TMEM219: variants seen among roughly 807,000 people sequenced by gnomAD.
TMEM219 encodes transmembrane protein 219, also known as insulin-like growth factor-binding protein 3 receptor.
In TMEM219, 18 loss-of-function variants were observed where a neutral mutation model predicts 17.9. The observed-to-expected ratio is 1.01, with a 90% CI of 0.70 to 1.49. The LOEUF (loss-of-function observed/expected upper bound fraction) is 1.49. TMEM219 is among the 40% of genes most tolerant of loss of function. The pLI, the probability that TMEM219 is intolerant of heterozygous loss-of-function variation, is 0.00. For missense variants in TMEM219, 288 were observed against 292.4 expected (o/e 0.99, Z 0.11); for synonymous variants, 113 against 124.0 (o/e 0.91, Z 0.59).
At chr16:29,972,697 C>T (rs558108964) in intron 5 of TMEM219, among the ~76,000 whole-genome samples, 3 of 152,318 alleles carry the variant, frequency 2.0e-5, no homozygotes, top group African/African-American at 7.2e-5. Flanking sequence ...TTGCTGATGG[C>T]TGGGCCTAAA....
intron 4 of TMEM219, among the ~76,000 whole-genome samples, chr16:29,970,824 G>A (rs2069275712): frequency 6.6e-6 from 1 of 151,878 alleles, no homozygotes; most frequent in Non-Finnish European, 1.5e-5. Flanking sequence ...CACACCTGTG[G>A]TCCCAGCTAC....
chr16:29,968,252 T>A lies in TMEM219; in HGVS notation c.583T>A (p.Ser195Thr), dbSNP rs781591004. ...CCTTGTGCTGACCAAGCTGCTCACCTCGGTAAGAGCCTCAGATGGGTCGCC... is the reference window on the plus strand; with the variant it reads ...CCTTGTGCTGACCAAGCTGCTCACCACGGTAAGAGCCTCAGATGGGTCGCC... ...EGLVLTKLLT[S>T]EELALCGSRL... The change falls in exon 4 of 6, where the codon TCG becomes ACG. Residue 195 changes from serine (S) to threonine (T), a missense_variant and splice_region_variant. By Grantham distance (58) the Ser-to-Thr change is moderately conservative. Coordinates refer to ENST00000279396, the MANE Select transcript of TMEM219 (RefSeq NM_001083613.2). The A allele has an allele frequency of 8.7e-6, 14 of 1,611,032 alleles. No homozygotes were observed. The African/African-American group carries it at 1.6e-4, about 18-fold the overall frequency.
intron 3 of TMEM219, among the ~76,000 whole-genome samples, chr16:29,965,697 C>T (rs1288419174): frequency 6.6e-6 from 1 of 152,154 alleles, no homozygotes; most frequent in African/African-American, 2.4e-5. Flanking sequence ...GCCTCAGCCT[C>T]CTGAGTAGCT....
intron 3 of TMEM219, among the ~76,000 whole-genome samples, chr16:29,966,407 C>T (rs1451881340): frequency 6.6e-6 from 1 of 151,996 alleles, no homozygotes; most frequent in African/African-American, 2.4e-5. Context: ...TTTAACTTAT[C>T]TTTCATTGCA....
At chr16:29,969,164 A>C (rs2069249883) in intron 4 of TMEM219, among the ~76,000 whole-genome samples, 1 of 151,664 alleles carries the variant, frequency 6.6e-6, no homozygotes, top group African/African-American at 2.4e-5. Context: ...CAGCCTGGAG[A>C]ACATAGCAAG....
At chr16:29,970,323 C>CTT (rs869239268) in intron 4 of TMEM219, among the ~76,000 whole-genome samples, 17 of 138,120 alleles carry the variant, frequency 1.2e-4, no homozygotes, top group African/African-American at 2.1e-4. Flanking sequence ...ACTGCTTGCA[C>CTT]TTTTTTTTTT....
intron 5 of TMEM219, among the ~76,000 whole-genome samples, chr16:29,972,485 T>C (rs1232724967): frequency 6.6e-6 from 1 of 152,188 alleles, no homozygotes; most frequent in African/African-American, 2.4e-5. Context: ...GGAAAAAATA[T>C]TTCTGCAAAA....
intron 4 of TMEM219, 126 bp from the exon 5 acceptor site, chr16:29,971,282 A>C (rs2069283456): frequency 2.1e-6 from 2 of 972,612 alleles, no homozygotes; most frequent in South Asian, 3.5e-5. Flanking sequence ...AGCTTATATG[A>C]AAATAACATT....
intron 3 of TMEM219, among the ~76,000 whole-genome samples, chr16:29,966,754 T>G (rs1489912438): frequency 6.6e-6 from 1 of 152,130 alleles, no homozygotes; most frequent in African/African-American, 2.4e-5. Context: ...AGGTGGAGGT[T>G]GCAGTGAGCT....
At chr16:29,970,353 C>T (rs2069267605) in intron 4 of TMEM219, among the ~76,000 whole-genome samples, 1 of 137,802 alleles carries the variant, frequency 7.3e-6, no homozygotes, top group African/African-American at 2.7e-5. Context: ...GAGATGGAGT[C>T]TTGCTCTATC....
chr16:29,962,988 C>T, intron 1 of TMEM219, 119 bp from the exon 2 acceptor site: 2 of 825,328 alleles, frequency 2.4e-6, no homozygotes, highest in Non-Finnish European at 3.9e-6. Flanking sequence ...ACCTTGGATT[C>T]TTGTTCTGGC....
At chr16:29,969,149 C>G (rs1193217267) in intron 4 of TMEM219, among the ~76,000 whole-genome samples, 1 of 151,356 alleles carries the variant, frequency 6.6e-6, no homozygotes, top group Non-Finnish European at 1.5e-5. Context: ...CCAGGAGTTC[C>G]AGACCAGCCT....
intron 3 of TMEM219, among the ~76,000 whole-genome samples, chr16:29,967,738 T>C (rs916253628): frequency 1.3e-5 from 2 of 151,924 alleles, no homozygotes; most frequent in Admixed American, 6.6e-5. Context: ...CCATCCTGGC[T>C]ACCACAGTGA....
At chr16:29,965,677 A>G (rs989337987) in intron 3 of TMEM219, among the ~76,000 whole-genome samples, 4 of 152,056 alleles carry the variant, frequency 2.6e-5, no homozygotes, top group East Asian at 1.9e-4. Flanking sequence ...CTTGCAGTAA[A>G]CATTCTCCTG....
At chr16:29,965,564 C>CAA (rs35045736) in intron 3 of TMEM219, among the ~76,000 whole-genome samples, 17 of 82,838 alleles carry the variant, frequency 2.1e-4, no homozygotes, top group African/African-American at 5.8e-4. Context: ...ACTAAAAATA[C>CAA]AAAAAAAAAA....
Position 29,971,597 on chromosome 16 carries a change from G to T in TMEM219, c.*33+19G>T. ...TTCTCAGGTGAGGTTCTTTGCTCCAGTCCTGCGGGAGCAGGGAATGGGGTG... is the reference window on the plus strand; with the variant it reads ...TTCTCAGGTGAGGTTCTTTGCTCCATTCCTGCGGGAGCAGGGAATGGGGTG... On this transcript the variant is annotated intron_variant, in intron 5 of 5. Coordinates refer to ENST00000279396, the MANE Select transcript of TMEM219 (RefSeq NM_001083613.2). 1 of 1,583,892 alleles carries T rather than the reference G, an allele frequency of 6.3e-7. No homozygotes were observed. The highest frequency in any genetic ancestry group is 8.6e-7 in the Non-Finnish European group (1 of 1,164,950).
In TMEM219 at chr16:29,963,515, T is replaced by A; in HGVS notation, c.281T>A (p.Phe94Tyr). The stretch of plus-strand genomic sequence containing the variant: ...GTGGGCTTGCTGACCACCTTGAACT[T>A]CGGAGACGGTCCAGACAGGAACAAG... ...HVVGLLTTLN[F>Y]GDGPDRNKTR... The change falls in exon 3 of 6, where the codon TTC (phenylalanine) becomes TAC (tyrosine). Residue 94 changes from phenylalanine to tyrosine, a missense_variant. By Grantham distance (22) the Phe-to-Tyr change is conservative (BLOSUM62 3). Transcript: ENST00000279396. The A allele has an allele frequency of 1.2e-6, 2 of 1,614,084 alleles. No homozygotes were observed. Among genetic ancestry groups the A allele is most frequent in the Non-Finnish European group, 1.7e-6 (2 of 1,180,006 alleles).
intron 3 of TMEM219, among the ~76,000 whole-genome samples, chr16:29,964,181 G>A (rs1440476856): frequency 1.3e-5 from 2 of 152,004 alleles, no homozygotes; most frequent in African/African-American, 2.4e-5. Flanking sequence ...AAATTAGCCG[G>A]GCATGGTTGC....
Position 29,971,503 on chromosome 16 carries a change from C to A in TMEM219, c.681C>A (p.Phe227Leu). 6.2e-7 allele frequency: 1 copy of A among 1,614,052 alleles called. No homozygotes were observed. The highest frequency in any genetic ancestry group is 8.5e-7 in the Non-Finnish European group (1 of 1,180,010). Residue 227 changes from phenylalanine to leucine, a missense_variant, in exon 5 of 6, where the codon TTC becomes TTA. By Grantham distance (22) the Phe-to-Leu change is conservative. Coordinates refer to ENST00000279396, the MANE Select transcript of TMEM219 (RefSeq NM_001083613.2). ...TCTGCTGTGTCACTGCTATGTGCTTCCACCCGCGCCGGGAGTCCCACTGGT... is the reference window on the plus strand; with the variant it reads ...TCTGCTGTGTCACTGCTATGTGCTTACACCCGCGCCGGGAGTCCCACTGGT... ...GLLCCVTAMC[F>L]HPRRESHWSR... is the part of the protein sequence containing the mutation.
Sources: allele counts gnomAD v4.1 joint callset (sites outside exome capture counted in the v4.1 genomes callset), GRCh38; gene constraint gnomAD v4.1.1; transcripts MANE v1.5; gene names NCBI Gene and HGNC (gene_info 2026-07-23, HGNC 2026-07-21).